SAMD9L: variants seen among roughly 807,000 people sequenced by gnomAD.
The protein encoded by SAMD9L is sterile alpha motif domain-containing protein 9-like.
A neutral mutation model predicts 90.7 loss-of-function variants in SAMD9L; 68 were observed. The ratio of observed to expected loss-of-function variants is 0.75; its 90% CI spans 0.62 to 0.92. The LOEUF (loss-of-function observed/expected upper bound fraction) is 0.92. Among genes scored for constraint, SAMD9L ranks in the 40% least tolerant of loss-of-function variants. The probability of loss-of-function intolerance (pLI) is 0.00; values close to 1 mark genes in which losing one functional copy is unlikely to be tolerated. For synonymous variants in SAMD9L, 640 were observed against 630.1 expected, an observed-to-expected ratio of 1.02 and a Z score of -0.23; for missense variants, 1,604 against 1,824.3, an observed-to-expected ratio of 0.88 and a Z score of 2.20.
At position 93,133,866 on chromosome 7, in the gene SAMD9L, A is replaced by C; in HGVS notation, c.2106T>G (p.Ser702=). The change falls in exon 5 of 5, where the codon TCT becomes TCG. Residue 702 remains serine (S), a synonymous_variant. Transcript: ENST00000318238. ...KVSWWNFYFS[S]ENYSSDFVKR... ...TAACAAAATCTGAAGAATAGTTTTC[A>C]GAAGAAAAATAGAAGTTCCACCAGG... The C allele has an allele frequency of 6.2e-7, 1 of 1,613,536 alleles. No homozygotes were observed. Among genetic ancestry groups the C allele is most frequent in the Non-Finnish European group, 8.5e-7 (1 of 1,179,786 alleles).
chr7:93,137,702 A>G (rs1472699374), intron 4 of SAMD9L, among the ~76,000 whole-genome samples: 1 of 143,248 alleles, frequency 7.0e-6, no homozygotes, highest in African/African-American at 2.6e-5. Context: ...ATGATTTGTA[A>G]TTTTTAGGTT....
In SAMD9L at chr7:93,132,726, T is replaced by A; in HGVS notation, c.3246A>T (p.Ala1082=). ...SAGSRRFPQN[A]FICQALARHF... The stretch of plus-strand genomic sequence containing the variant: ...GTCTTGCTAAGGCTTGACAAATGAA[T>A]GCATTTTGTGGGAATCGTCTACTTC... The change falls in exon 5 of 5, where the codon GCA becomes GCT. Residue 1082 remains alanine (A), a synonymous_variant. Coordinates refer to ENST00000318238, the MANE Select transcript of SAMD9L (RefSeq NM_152703.5). 6.2e-7 allele frequency: 1 copy of A among 1,613,880 alleles called. No homozygotes were observed. The highest frequency in any genetic ancestry group is 8.5e-7 in the Non-Finnish European group (1 of 1,179,828).
In SAMD9L at chr7:93,135,531, A is replaced by C. The variant is rs1792398663; in HGVS notation, c.441T>G (p.Asn147Lys). The C allele has an allele frequency of 2.5e-6, 4 of 1,614,016 alleles. No individual in the cohort carries two copies. In the East Asian group the frequency reaches 8.9e-5, roughly 36 times the overall value. Residue 147 changes from asparagine (N) to lysine (K), a missense_variant, in exon 5 of 5, where the codon AAT becomes AAG. Coordinates refer to ENST00000318238, the MANE Select transcript of SAMD9L (RefSeq NM_152703.5). ...MKENVLDEVANAKHKKKGKLK... is the reference protein window; with the variant it reads ...MKENVLDEVAKAKHKKKGKLK... ...GCTTACCCTTTTTCTTGTGTTTAGCATTTGCTACTTCATCTAACACATTTT... is the reference window on the plus strand; with the variant it reads ...GCTTACCCTTTTTCTTGTGTTTAGCCTTTGCTACTTCATCTAACACATTTT...
In SAMD9L at chr7:93,135,759, T is replaced by C; in HGVS notation, c.213A>G (p.Ser71=). The change falls in exon 5 of 5, where the codon TCA becomes TCG. Residue 71 remains serine (S), a synonymous_variant. Coordinates refer to ENST00000318238, the MANE Select transcript of SAMD9L (RefSeq NM_152703.5). The part of the protein sequence containing the change: ...PWGPALLIKR[S]YNKLNSKSPE... ...GGGACTTACTATTCAATTTGTTGTATGAACGTTTTATCAAAAGTGCTGGAC... is the reference window on the plus strand; with the variant it reads ...GGGACTTACTATTCAATTTGTTGTACGAACGTTTTATCAAAAGTGCTGGAC... 1 of 1,614,034 alleles carries C rather than the reference T, an allele frequency of 6.2e-7. No individual in the cohort carries two copies. The highest frequency in any genetic ancestry group is 8.5e-7 in the Non-Finnish European group (1 of 1,179,978).
At chr7:93,141,275 T>A (rs950516524) in intron 4 of SAMD9L, among the ~76,000 whole-genome samples, 1 of 152,222 alleles carries the variant, frequency 6.6e-6, no homozygotes, top group African/African-American at 2.4e-5. Context: ...AGACCTAGCC[T>A]CTTTTCTATC....
chr7:93,139,712 T>G (rs12669204), intron 4 of SAMD9L, among the ~76,000 whole-genome samples: 34,100 of 152,048 alleles, frequency 0.22, 5,255 homozygotes, highest in East Asian at 0.5. Context: ...TGTGCTACTT[T>G]GTTATGGCAG....
Position 93,131,837 on chromosome 7 carries a change from C to T in SAMD9L, c.4135G>A (p.Glu1379Lys), listed in dbSNP as rs1172552243. 1 of 1,612,454 alleles carries T rather than the reference C, an allele frequency of 6.2e-7. No individual in the cohort carries two copies. Among genetic ancestry groups the T allele is most frequent in the Non-Finnish European group, 8.5e-7 (1 of 1,179,852 alleles). The change falls in exon 5 of 5, where the codon GAG (glutamate) becomes AAG (lysine). Residue 1379 changes from glutamate (E) to lysine (K), a missense_variant. Physicochemically the swap from Glu to Lys is moderately conservative, Grantham distance 56. Coordinates refer to ENST00000318238, the MANE Select transcript of SAMD9L (RefSeq NM_152703.5). The stretch of plus-strand genomic sequence containing the variant: ...TTGGCCAAAATGGAATTTTGTTTCT[C>T]ATTTGTCATGGGCTTTTTTGAGTTT... ...QQNSKKPMTN[E>K]KQNSILANII...
chr7:93,136,662 G>A (rs547956066), intron 4 of SAMD9L, among the ~76,000 whole-genome samples: 2 of 152,276 alleles, frequency 1.3e-5, no homozygotes, highest in African/African-American at 4.8e-5. Context: ...TTTTGTTAGA[G>A]CCATTTTCAC....
Position 93,132,945 on chromosome 7 carries a change from A to G in SAMD9L, c.3027T>C (p.Cys1009=), listed in dbSNP as rs149908158. The change falls in exon 5 of 5, where the codon TGT becomes TGC. Residue 1009 remains cysteine, a synonymous_variant. Transcript: ENST00000318238. ...ELERSYHLDK[C]QIALNILEEN... is the part of the protein sequence containing the mutation. The stretch of plus-strand genomic sequence containing the variant: ...CTTCTAATATATTCAATGCAATTTG[A>G]CATTTATCCAAGTGATAGCTTCTTT... 3,474 of 1,613,506 alleles carry G rather than the reference A, an allele frequency of 2.2e-3. 8 individuals carry two copies. The highest frequency in any genetic ancestry group is 2.6e-3 in the Middle Eastern group (16 of 6,056).
chr7:93,139,689 G>A (rs1371429300), intron 4 of SAMD9L, among the ~76,000 whole-genome samples: 1 of 152,098 alleles, frequency 6.6e-6, no homozygotes, highest in Admixed American at 6.5e-5. Context: ...CATTTCTGTT[G>A]TTGAAGTGAC....
intron 4 of SAMD9L, among the ~76,000 whole-genome samples, chr7:93,141,629 A>G (rs1022815875): frequency 6.6e-6 from 1 of 152,070 alleles, no homozygotes; most frequent in Admixed American, 6.6e-5. Context: ...ACACCTTCAC[A>G]GTATATCCAT....
chr7:93,134,810 C>T lies in SAMD9L; in HGVS notation c.1162G>A (p.Ala388Thr). The change falls in exon 5 of 5, where the codon GCA becomes ACA. Residue 388 changes from alanine (A) to threonine (T), a missense_variant. Coordinates refer to ENST00000318238, the MANE Select transcript of SAMD9L (RefSeq NM_152703.5). ...AGTCCTTCACTCTCCTTCTTCATTG[C>T]CTTCATTCCATACTCTTCTTCAGCC... ...KEAEEEYGMK[A>T]MKKESEGLKL... The T allele has an allele frequency of 1.9e-6, 3 of 1,613,620 alleles. No individual in the cohort carries two copies. Among genetic ancestry groups the T allele is most frequent in the Non-Finnish European group, 1.7e-6 (2 of 1,179,872 alleles).
At chr7:93,147,667 T>C (rs945899307) in intron 1 of SAMD9L, among the ~76,000 whole-genome samples, 1 of 152,230 alleles carries the variant, frequency 6.6e-6, no homozygotes, top group African/African-American at 2.4e-5. Flanking sequence ...AGTTTCGTTT[T>C]CCTGAAGAAC....
At chr7:93,137,124 A>C (rs779643663) in intron 4 of SAMD9L, among the ~76,000 whole-genome samples, 25 of 152,240 alleles carry the variant, frequency 1.6e-4, no homozygotes, top group Non-Finnish European at 2.9e-4. Context: ...CAAAAACACT[A>C]AACTATAAAA....
intron 4 of SAMD9L, 130 bp downstream of exon 4, chr7:93,144,602 T>C (rs936139276): frequency 6.6e-6 from 1 of 152,162 alleles, no homozygotes; most frequent in African/African-American, 2.4e-5. Flanking sequence ...AATTTTAGGA[T>C]CTACTGCCTA....
chr7:93,146,062 A>G (rs1447029350), intron 2 of SAMD9L, 22 bp from the exon 3 acceptor site: 1 of 152,242 alleles, frequency 6.6e-6, no homozygotes, highest in Non-Finnish European at 1.5e-5. Flanking sequence ...TAAACATCAT[A>G]TCAATGTTGT....
At position 93,135,427 on chromosome 7, in the gene SAMD9L, G is replaced by A; in HGVS notation, c.545C>T (p.Thr182Ile). 1.2e-6 allele frequency: 2 copies of A among 1,614,122 alleles called. No homozygotes were observed. The highest frequency in any genetic ancestry group is 8.5e-7 in the Non-Finnish European group (1 of 1,179,970). Residue 182 changes from threonine to isoleucine, a missense_variant, in exon 5 of 5, where the codon ACT becomes ATT. Around this residue, in one of 7 missense-constraint regions of SAMD9L, gnomAD observed 374 missense variants for 363.6 expected, o/e 1.03. Coordinates refer to ENST00000318238, the MANE Select transcript of SAMD9L (RefSeq NM_152703.5). ...GAGTGCTCCTGTTTCAGGTTGTAGA[G>A]TATAATGTTCTATGTAGCGATGGCT... Reference protein sequence around the residue: ...HDSHRYIEHYTLQPETGALNL... With the variant: ...HDSHRYIEHYILQPETGALNL...
At chr7:93,147,644 A>G (rs1482946653) in intron 1 of SAMD9L, among the ~76,000 whole-genome samples, 1 of 152,252 alleles carries the variant, frequency 6.6e-6, no homozygotes, top group Admixed American at 6.5e-5. Context: ...GACAGAAGCC[A>G]CACAAGCAAG....
rs756908403 is a variant in SAMD9L at position 93,133,626 on chromosome 7, G to A, written c.2346C>T (p.Ile782=). The change falls in exon 5 of 5, where the codon ATC becomes ATT. Residue 782 remains isoleucine (I), a synonymous_variant. Transcript: ENST00000318238. ...TDFAEIAEQV[I]NLVTYRAKSH... is the part of the protein sequence containing the mutation. ...TCTTTGCCCTATAGGTGACCAGATT[G>A]ATCACTTGCTCTGCAATTTCTGCAA... The A allele has an allele frequency of 2.4e-5, 39 of 1,613,504 alleles. No individual in the cohort carries two copies. The highest frequency in any genetic ancestry group is 3.1e-5 in the Non-Finnish European group (37 of 1,179,806).
Sources: allele counts gnomAD v4.1 joint callset (sites outside exome capture counted in the v4.1 genomes callset), GRCh38; gene constraint gnomAD v4.1.1; regional missense constraint gnomAD v4.1.1; transcripts MANE v1.5; gene names NCBI Gene and HGNC (gene_info 2026-07-23, HGNC 2026-07-21).